Variants in NUMBL observed in about 807,000 individuals in gnomAD.
NUMBL encodes the protein NUMB like endocytic adaptor protein, also known as numb-like protein.
A neutral mutation model predicts 48.9 loss-of-function variants in NUMBL; 20 were observed. That is an observed-to-expected ratio of 0.41 (90% confidence interval 0.29 to 0.59). The LOEUF is 0.59. NUMBL is among the 20% of genes least tolerant of loss of function. The pLI is 0.31. For synonymous variants in NUMBL, 340 were observed against 348.7 expected, an observed-to-expected ratio of 0.98 and a Z score of 0.28; for missense variants, 660 against 846.2, an observed-to-expected ratio of 0.78 and a Z score of 2.73.
intron 9 of NUMBL, among the ~76,000 whole-genome samples, chr19:40,669,594 C>T (rs188247018): frequency 3.9e-5 from 6 of 151,922 alleles, no homozygotes; most frequent in African/African-American, 1.4e-4. Context: ...CTAAGATGAT[C>T]CCTGCTTTTA....
At chr19:40,685,567 TTG>T (rs573432602) in intron 2 of NUMBL, 4 of 153,714 alleles carry the variant, frequency 2.6e-5, no homozygotes, top group Non-Finnish European at 5.9e-5. Flanking sequence ...CTGAGAGTGG[TTG>T]TGAGTGTGTG....
chr19:40,675,068 G>A (rs1030664828), intron 7 of NUMBL, among the ~76,000 whole-genome samples: 3 of 149,266 alleles, frequency 2.0e-5, no homozygotes, highest in Admixed American at 6.7e-5. Flanking sequence ...GCTTGAACCC[G>A]GGAGGCAGAG....
In NUMBL at chr19:40,665,982, G is replaced by T. The variant is rs1368438656; in HGVS notation, c.*1486C>A. ...ACATCTTATAGATTAAAGGACTCAA[G>T]AAACAATAGCAAGACTGTAAAACGT... On this transcript the variant is annotated 3_prime_UTR_variant, in exon 10 of 10. Coordinates refer to ENST00000252891, the MANE Select transcript of NUMBL (RefSeq NM_004756.5). The T allele has an allele frequency of 1.3e-5, 2 of 152,080 alleles. No individual in the cohort carries two copies. Among genetic ancestry groups the T allele is most frequent in the Non-Finnish European group, 2.9e-5 (2 of 68,022 alleles). The allele number at this position is 152,080 out of a possible 1,614,324, so 9.4% of individuals were successfully genotyped here.
chr19:40,675,151 A>C (rs931845624), intron 7 of NUMBL, among the ~76,000 whole-genome samples: 14 of 143,880 alleles, frequency 9.7e-5, no homozygotes, highest in African/African-American at 3.5e-4. Flanking sequence ...TCAAAAAAAA[A>C]AAAAAAAAAA....
chr19:40,684,761 T>G, intron 2 of NUMBL: 3 of 623,418 alleles, frequency 4.8e-6, no homozygotes, highest in South Asian at 2.4e-5. Flanking sequence ...GCCAGGGGAG[T>G]GCGAAAGTTG....
chr19:40,670,136 A>G, intron 8 of NUMBL, 116 bp from the exon 9 acceptor site: 11 of 1,287,618 alleles, frequency 8.5e-6, no homozygotes, highest in Non-Finnish European at 1.1e-5. Context: ...TTCCCACTGT[A>G]GTAACTAAGT....
chr19:40,688,110 C>T lies in NUMBL; in HGVS notation c.25-1115G>A, dbSNP rs1377287603. On this transcript the variant is annotated intron_variant, in intron 1 of 9. Transcript: ENST00000252891. The surrounding 1 kb of genome is among the most constrained non-coding windows in gnomAD (Gnocchi z 4.6). ...AAGGATGGCCTCCCTCAAGACACAGCCATGGTGGTCCTATAGGCATGGCCA... is the reference window on the plus strand; with the variant it reads ...AAGGATGGCCTCCCTCAAGACACAGTCATGGTGGTCCTATAGGCATGGCCA... 6.6e-6 allele frequency among the ~76,000 whole-genome samples: 1 copy of T among 152,194 alleles called. No homozygotes were observed. The highest frequency in any genetic ancestry group is 1.5e-5 in the Non-Finnish European group (1 of 68,036).
chr19:40,673,736 G>T lies in NUMBL; in HGVS notation c.731-87C>A. Reference sequence around the variant, plus strand: ...CCTGGTTCTCTTGATCATTCTCCAAGGCTGCCTTCCTTGCCCAGTGAGTCC... The same window carrying T: ...CCTGGTTCTCTTGATCATTCTCCAATGCTGCCTTCCTTGCCCAGTGAGTCC... On this transcript the variant is annotated intron_variant, in intron 7 of 9. Transcript: ENST00000252891. The surrounding 1 kb of genome is among the most constrained non-coding windows in gnomAD (Gnocchi z 5.9). The T allele has an allele frequency of 7.6e-7, 1 of 1,320,144 alleles. No homozygotes were observed. Among genetic ancestry groups the T allele is most frequent in the Non-Finnish European group, 1.0e-6 (1 of 993,986 alleles). 81.8% of individuals were successfully genotyped at this position (1,320,144 alleles called of 1,614,324 possible). A position where few individuals can be genotyped will look rare whatever the true frequency, so the allele number is the denominator to read the frequency against.
rs3786534 is a variant in NUMBL at position 40,688,676 on chromosome 19, G to A, written c.25-1681C>T. Among the ~76,000 whole-genome samples the A allele has an allele frequency of 7.2e-5, 11 of 152,226 alleles. No individual in the cohort carries two copies. In the East Asian group the frequency reaches 2.1e-3, roughly 29 times the overall value. On this transcript the variant is annotated intron_variant, in intron 1 of 9. Coordinates refer to ENST00000252891, the MANE Select transcript of NUMBL (RefSeq NM_004756.5). This position sits in a 1 kb window ranked among gnomAD's most constrained non-coding sequence, Gnocchi z 4.6. ...CATGCAGGTCAAACACAATAATATG[G>A]AAGCCATAATCATATACACACCCCT...
chr19:40,667,172 C>G lies in NUMBL; in HGVS notation c.*296G>C. The G allele has an allele frequency of 2.4e-6, 1 of 410,138 alleles. No homozygotes were observed. The highest frequency in any genetic ancestry group is 2.4e-5 in the South Asian group (1 of 41,400). The allele number at this position is 410,138 out of a possible 1,614,324, so 25.4% of individuals were successfully genotyped here. A position where few individuals can be genotyped will look rare whatever the true frequency, so the allele number is the denominator to read the frequency against. On this transcript the variant is annotated 3_prime_UTR_variant, in exon 10 of 10. Transcript: ENST00000252891. The surrounding 1 kb of genome is among the most constrained non-coding windows in gnomAD (Gnocchi z 6.1). The stretch of plus-strand genomic sequence containing the variant: ...AAATGGAGTGTGAACCAAGGGCATT[C>G]AGTGGGATTGTGGCCAACCCCTGTG...
intron 7 of NUMBL, among the ~76,000 whole-genome samples, chr19:40,676,353 A>G (rs1372634680): frequency 2.0e-5 from 3 of 152,112 alleles, no homozygotes; most frequent in Admixed American, 1.3e-4. Flanking sequence ...TGATCGCACC[A>G]CTGCACTCCA....
chr19:40,682,808 G>T lies in NUMBL; in HGVS notation c.325-6C>A. The T allele has an allele frequency of 6.2e-7, 1 of 1,614,138 alleles. No individual in the cohort carries two copies. The highest frequency in any genetic ancestry group is 1.1e-5 in the South Asian group (1 of 91,078). ...TTCACGGACTTTCGGCCCATCTGGAGGGAGGCAAGGGGACAAAGGAGCCGG... is the reference window on the plus strand; with the variant it reads ...TTCACGGACTTTCGGCCCATCTGGATGGAGGCAAGGGGACAAAGGAGCCGG... On this transcript the variant is annotated splice_region_variant and splice_polypyrimidine_tract_variant and intron_variant, in intron 4 of 9. Transcript: ENST00000252891. The surrounding 1 kb of genome is among the most constrained non-coding windows in gnomAD (Gnocchi z 4.0).
At position 40,668,496 on chromosome 19, in the gene NUMBL, T is replaced by A. The variant is rs147860460; in HGVS notation, c.1160-358A>T. 3.0e-4 allele frequency among the ~76,000 whole-genome samples: 45 copies of A among 152,236 alleles called. 1 individual carries two copies. The East Asian group carries it at 7.5e-3, about 26-fold the overall frequency. On this transcript the variant is annotated intron_variant, in intron 9 of 9. Transcript: ENST00000252891. ...GTTTGTTGTCTGTTCGTTTTGAGAG[T>A]CTCACTCTGTTGCCCAGGGATGCCC...
chr19:40,680,381 C>G (rs1477835013), intron 6 of NUMBL, among the ~76,000 whole-genome samples: 1 of 152,058 alleles, frequency 6.6e-6, no homozygotes, highest in Non-Finnish European at 1.5e-5. Context: ...AATTCCTGAC[C>G]TCAGGTGATC....
intron 2 of NUMBL, 42 bp from the exon 3 acceptor site, chr19:40,684,598 A>G (rs2081924722): frequency 6.4e-7 from 1 of 1,569,478 alleles, no homozygotes; most frequent in Admixed American, 1.8e-5. Flanking sequence ...GGTGGGGGTC[A>G]GAAGGTATGG....
Position 40,682,605 on chromosome 19 carries a change from C to A in NUMBL, c.399+123G>T. 2 of 814,142 alleles carry A rather than the reference C, an allele frequency of 2.5e-6. No individual in the cohort carries two copies. Among genetic ancestry groups the A allele is most frequent in the Non-Finnish European group, 3.9e-6 (2 of 507,990 alleles). The allele number at this position is 814,142 out of a possible 1,614,324, so 50.4% of individuals were successfully genotyped here. A position where few individuals can be genotyped will look rare whatever the true frequency, so the allele number is the denominator to read the frequency against. ...GAGTTATGACGACAGAGGGAGCACACGGCATCGTCTAGAAGGTCCCTGAGG... is the reference window on the plus strand; with the variant it reads ...GAGTTATGACGACAGAGGGAGCACAAGGCATCGTCTAGAAGGTCCCTGAGG... On this transcript the variant is annotated intron_variant, in intron 5 of 9. Transcript: ENST00000252891. This position sits in a 1 kb window ranked among gnomAD's most constrained non-coding sequence, Gnocchi z 4.0.
chr19:40,678,442 C>T (rs4802082), intron 6 of NUMBL, among the ~76,000 whole-genome samples: 2,454 of 152,198 alleles, frequency 0.016, 57 homozygotes, highest in Non-Finnish European at 0.017. Context: ...GGGTTACAGG[C>T]GTGAGCCACC....
In NUMBL at chr19:40,667,339, T is replaced by C. The variant is rs1408024539; in HGVS notation, c.*129A>G. 8 of 1,301,962 alleles carry C rather than the reference T, an allele frequency of 6.1e-6. No individual in the cohort carries two copies. In the Admixed American group the frequency reaches 7.8e-5, roughly 13 times the overall value. The allele number at this position is 1,301,962 out of a possible 1,614,324, so 80.7% of individuals were successfully genotyped here. On this transcript the variant is annotated 3_prime_UTR_variant, in exon 10 of 10. Coordinates refer to ENST00000252891, the MANE Select transcript of NUMBL (RefSeq NM_004756.5). The surrounding 1 kb of genome is among the most constrained non-coding windows in gnomAD (Gnocchi z 6.1). ...GGTTCTGTAGTGGTTGTCGGGGTGG[T>C]TGAGGGAGGGGGGTGTTGAGAGGGT...
intron 8 of NUMBL, among the ~76,000 whole-genome samples, chr19:40,671,791 G>C (rs934079236): frequency 1.3e-5 from 2 of 152,240 alleles, no homozygotes; most frequent in Non-Finnish European, 2.9e-5. Context: ...CTGGCTGCTG[G>C]TGGGGAAGAC....
Sources: gnomAD v4.1 joint callset for allele counts (sites outside exome capture counted in the v4.1 genomes callset) on GRCh38, gnomAD v4.1.1 for gene constraint, Gnocchi (gnomAD v3.1) non-coding constraint, MANE v1.5 for transcripts, NCBI Gene and HGNC (gene_info 2026-07-23, HGNC 2026-07-21) for gene names.